Variants in AP1G1 observed in about 807,000 individuals in gnomAD.
AP1G1 encodes adaptor related protein complex 1 subunit gamma 1, also known as AP-1 complex subunit gamma-1.
Under a neutral mutation model 108.3 loss-of-function variants are expected in AP1G1, and 7 were observed. That is an observed-to-expected ratio of 0.06 (90% CI 0.04 to 0.12). AP1G1 has a LOEUF of 0.12. AP1G1 is among the 10% of genes least tolerant of loss of function. The pLI is 1.00. For missense variants in AP1G1, 756 were observed against 1,010.7 expected (o/e 0.75, Z 3.42); for synonymous variants, 379 against 353.5 (o/e 1.07, Z -0.81).
chr16:71,741,156 G>A (rs1206926531), intron 19 of AP1G1, among the ~76,000 whole-genome samples: 2 of 152,068 alleles, frequency 1.3e-5, no homozygotes, highest in African/African-American at 4.8e-5. Context: ...CAAACTACTT[G>A]TGAAATTAAC....
At chr16:71,752,475 TAA>T (rs1168924340) in intron 13 of AP1G1, among the ~76,000 whole-genome samples, 10 of 152,206 alleles carry the variant, frequency 6.6e-5, no homozygotes, top group East Asian at 3.9e-4. Flanking sequence ...CAAATACATA[TAA>T]GTCATAATTT....
intron 1 of AP1G1, among the ~76,000 whole-genome samples, chr16:71,802,084 T>C (rs933159647): frequency 2.0e-5 from 3 of 152,158 alleles, no homozygotes; most frequent in African/African-American, 7.2e-5. Flanking sequence ...AGATAAGAGA[T>C]ACTCAATGTG....
Position 71,773,205 on chromosome 16 carries a change from G to T in AP1G1, c.468+16C>A. 6.2e-7 allele frequency: 1 copy of T among 1,611,960 alleles called. No individual in the cohort carries two copies. The highest frequency in any genetic ancestry group is 8.5e-7 in the Non-Finnish European group (1 of 1,179,672). ...ACTCCCTAATCCAAACAGACATTTGGTTCATTAAAAGTTACCTTTTTTCTT... is the reference window on the plus strand; with the variant it reads ...ACTCCCTAATCCAAACAGACATTTGTTTCATTAAAAGTTACCTTTTTTCTT... On this transcript the variant is annotated intron_variant, in intron 4 of 22. Transcript: ENST00000299980.
intron 1 of AP1G1, among the ~76,000 whole-genome samples, chr16:71,796,436 C>G (rs1020308001): frequency 6.6e-6 from 1 of 152,066 alleles, no homozygotes; most frequent in African/African-American, 2.4e-5. Flanking sequence ...CTTCCTTAAG[C>G]GCCTCAACTC....
At chr16:71,754,051 C>T (rs1210187171) in intron 12 of AP1G1, among the ~76,000 whole-genome samples, 164 bp from the exon 13 acceptor site, 1 of 152,080 alleles carries the variant, frequency 6.6e-6, no homozygotes, top group African/African-American at 2.4e-5. Flanking sequence ...CCAGCCTGGG[C>T]AACACGGTGA....
intron 1 of AP1G1, among the ~76,000 whole-genome samples, chr16:71,798,346 G>A (rs761665088): frequency 9.2e-5 from 14 of 152,166 alleles, no homozygotes; most frequent in African/African-American, 2.9e-4. Flanking sequence ...CTATAGGCGC[G>A]TGCCACCACG....
In AP1G1 at chr16:71,731,867, C is replaced by T. The variant is rs1174529399; in HGVS notation, c.*1191G>A. 6.6e-6 allele frequency: 1 copy of T among 152,588 alleles called. No homozygotes were observed. Among genetic ancestry groups the T allele is most frequent in the Admixed American group, 6.5e-5 (1 of 15,274 alleles). 9.5% of individuals were successfully genotyped at this position (152,588 alleles called of 1,614,324 possible). A position where few individuals can be genotyped will look rare whatever the true frequency, so the allele number is the denominator to read the frequency against. ...GGCTTCACTCCAACACCATAAAGTA[C>T]AATATGGAAAGATTTCTTTAACCGT... is the stretch of plus-strand genomic sequence containing the variant. On this transcript the variant is annotated 3_prime_UTR_variant, in exon 23 of 23. Coordinates refer to ENST00000299980, the MANE Select transcript of AP1G1 (RefSeq NM_001128.6).
chr16:71,775,466 A>G (rs947157423), intron 2 of AP1G1, among the ~76,000 whole-genome samples: 2 of 152,216 alleles, frequency 1.3e-5, no homozygotes, highest in African/African-American at 4.8e-5. Flanking sequence ...GTTTTGCATT[A>G]GTTTTGCAGA....
intron 2 of AP1G1, among the ~76,000 whole-genome samples, chr16:71,778,923 A>C (rs2031895646): frequency 6.6e-6 from 1 of 152,160 alleles, no homozygotes; most frequent in Non-Finnish European, 1.5e-5. Flanking sequence ...CTTAGGTAAC[A>C]ATCTCAAATA....
intron 1 of AP1G1, among the ~76,000 whole-genome samples, chr16:71,800,167 A>T (rs2032736614): frequency 6.8e-6 from 1 of 147,324 alleles, no homozygotes; most frequent in Non-Finnish European, 1.5e-5. Flanking sequence ...GATCAAGACC[A>T]TCCTGGTTAA....
Position 71,730,150 on chromosome 16 carries a change from T to C in AP1G1, c.*2908A>G, listed in dbSNP as rs958163739. ...TGATAAAGACCTTAAAATTAACAGA[T>C]GATCACTATGCACAGCCTAAAACTT... is the stretch of plus-strand genomic sequence containing the variant. On this transcript the variant is annotated 3_prime_UTR_variant, in exon 23 of 23. Coordinates refer to ENST00000299980, the MANE Select transcript of AP1G1 (RefSeq NM_001128.6). 2.0e-5 allele frequency: 3 copies of C among 152,660 alleles called. No homozygotes were observed. Among genetic ancestry groups the C allele is most frequent in the Non-Finnish European group, 2.9e-5 (2 of 68,054 alleles). 9.5% of individuals were successfully genotyped at this position (152,660 alleles called of 1,614,324 possible).
chr16:71,741,288 A>T (rs553959927), intron 19 of AP1G1, among the ~76,000 whole-genome samples: 1 of 152,330 alleles, frequency 6.6e-6, no homozygotes, highest in Non-Finnish European at 1.5e-5. Flanking sequence ...GAATACTAGA[A>T]AAGTAAATGA....
At chr16:71,779,585 C>T (rs572585064) in intron 2 of AP1G1, among the ~76,000 whole-genome samples, 1 of 152,108 alleles carries the variant, frequency 6.6e-6, no homozygotes, top group African/African-American at 2.4e-5. Context: ...AAGTGATCTG[C>T]CCACCTCGCC....
At chr16:71,795,123 C>A (rs1186820382) in intron 1 of AP1G1, among the ~76,000 whole-genome samples, 1 of 151,930 alleles carries the variant, frequency 6.6e-6, no homozygotes, top group African/African-American at 2.4e-5. Flanking sequence ...TCTACCCTGC[C>A]CAGATAACGT....
Position 71,745,284 on chromosome 16 carries a change from C to T in AP1G1, c.1873-14G>A. 5.0e-6 allele frequency: 8 copies of T among 1,613,926 alleles called. No individual in the cohort carries two copies. Among genetic ancestry groups the T allele is most frequent in the Non-Finnish European group, 5.1e-6 (6 of 1,179,920 alleles). ...TAAATCATTGGCCTAAACAAGGTAA[C>T]AACACCTCAATTCATTATTATTTGA... On this transcript the variant is annotated splice_polypyrimidine_tract_variant and intron_variant, in intron 18 of 22. Coordinates refer to ENST00000299980, the MANE Select transcript of AP1G1 (RefSeq NM_001128.6).
intron 2 of AP1G1, chr16:71,777,748 C>T (rs1427284555): frequency 2.2e-6 from 1 of 449,688 alleles, no homozygotes. Context: ...CTTTCTTTCG[C>T]TCTTTCTGGC....
intron 1 of AP1G1, among the ~76,000 whole-genome samples, chr16:71,793,836 A>C (rs781245693): frequency 6.6e-5 from 10 of 152,076 alleles, no homozygotes; most frequent in Non-Finnish European, 1.5e-4. Flanking sequence ...CAGCTCCCCA[A>C]GTAGCTGGGA....
chr16:71,807,633 T>C (rs1597098828), intron 1 of AP1G1, among the ~76,000 whole-genome samples: 1 of 152,192 alleles, frequency 6.6e-6, no homozygotes, highest in East Asian at 1.9e-4. Flanking sequence ...AATTCAGCTA[T>C]CCCCAGAAAA....
chr16:71,767,180 A>G (rs923360377), intron 6 of AP1G1, among the ~76,000 whole-genome samples: 2 of 152,212 alleles, frequency 1.3e-5, no homozygotes, highest in African/African-American at 4.8e-5. Flanking sequence ...AGGCCAGCAC[A>G]TCACATAACA....
Sources: allele counts gnomAD v4.1 joint callset (sites outside exome capture counted in the v4.1 genomes callset), GRCh38; gene constraint gnomAD v4.1.1; transcripts MANE v1.5; gene names NCBI Gene and HGNC (gene_info 2026-07-23, HGNC 2026-07-21).